CCSER1: variants seen among roughly 807,000 people sequenced by gnomAD.
CCSER1 encodes coiled-coil serine rich protein 1, also known as serine-rich coiled-coil domain-containing protein 1.
CCSER1 carries 41 observed loss-of-function variants against 82.0 expected under a neutral mutation model. The ratio of observed to expected loss-of-function variants is 0.50; its 90% confidence interval spans 0.39 to 0.65. CCSER1 has a LOEUF of 0.65. Among genes scored for constraint, CCSER1 ranks in the 30% least tolerant of loss-of-function variants. The pLI, the probability that CCSER1 is intolerant of heterozygous loss-of-function variation, is 0.00. For missense variants in CCSER1, 1,119 were observed against 1,064.2 expected (o/e 1.05, Z -0.72); for synonymous variants, 414 against 383.9 (o/e 1.08, Z -0.92).
intron 1 of CCSER1, among the ~76,000 whole-genome samples, chr4:90,139,134 GC>G (rs1409333407): frequency 3.3e-5 from 5 of 152,052 alleles, no homozygotes; most frequent in African/African-American, 1.2e-4. Flanking sequence ...TCTCCAACCT[GC>G]CTCCTCACAT....
intron 1 of CCSER1, among the ~76,000 whole-genome samples, chr4:90,173,546 C>T (rs1160611072): frequency 6.6e-6 from 1 of 151,768 alleles, no homozygotes; most frequent in Non-Finnish European, 1.5e-5. Context: ...GAGCCTGGGT[C>T]AGTGATCTTG....
chr4:91,064,904 A>T (rs1720643271), intron 9 of CCSER1, among the ~76,000 whole-genome samples: 1 of 152,222 alleles, frequency 6.6e-6, no homozygotes, highest in Admixed American at 6.5e-5. Context: ...AGCACCAAGT[A>T]TCTTCTGTTA....
At chr4:90,232,396 G>C (rs1400266048) in intron 1 of CCSER1, among the ~76,000 whole-genome samples, 3 of 152,076 alleles carry the variant, frequency 2.0e-5, no homozygotes, top group African/African-American at 7.2e-5. Context: ...TTAATAAATG[G>C]TGCTAGGAAA....
intron 10 of CCSER1, among the ~76,000 whole-genome samples, chr4:91,120,354 A>G (rs537260283): frequency 1.3e-5 from 2 of 152,172 alleles, no homozygotes; most frequent in South Asian, 4.1e-4. Context: ...GTGGTCTTAT[A>G]TCAGCATCAT....
At chr4:90,151,547 T>C (rs879269848) in intron 1 of CCSER1, among the ~76,000 whole-genome samples, 5 of 152,066 alleles carry the variant, frequency 3.3e-5, no homozygotes, top group Non-Finnish European at 7.4e-5. Flanking sequence ...ATATACACCC[T>C]TTTTCTTAAT....
chr4:91,146,192 T>A (rs1280212263), intron 10 of CCSER1, among the ~76,000 whole-genome samples: 1 of 152,210 alleles, frequency 6.6e-6, no homozygotes, highest in African/African-American at 2.4e-5. Context: ...CTTAAATTCT[T>A]TCCTCAGCTT....
At chr4:91,165,537 T>TG (rs930219424) in intron 10 of CCSER1, among the ~76,000 whole-genome samples, 5 of 152,156 alleles carry the variant, frequency 3.3e-5, no homozygotes, top group African/African-American at 1.2e-4. Context: ...CTCCCAGTGG[T>TG]GGGGTCTACA....
intron 10 of CCSER1, among the ~76,000 whole-genome samples, chr4:91,503,915 A>G (rs1759351991): frequency 6.6e-6 from 1 of 152,218 alleles, no homozygotes; most frequent in African/African-American, 2.4e-5. Context: ...TTGGCGGGGT[A>G]TAATGGAGTT....
chr4:91,229,841 A>C (rs1342573764), intron 10 of CCSER1, among the ~76,000 whole-genome samples: 2 of 151,994 alleles, frequency 1.3e-5, no homozygotes, highest in Non-Finnish European at 2.9e-5. Context: ...TCGGGGGTTG[A>C]GGGGAAAAGG....
chr4:90,364,254 T>C (rs1436658762), intron 3 of CCSER1, among the ~76,000 whole-genome samples: 4 of 152,002 alleles, frequency 2.6e-5, no homozygotes, highest in African/African-American at 9.7e-5. Flanking sequence ...AAATTGTCTG[T>C]CTCTCTCCCC....
At chr4:90,300,182 C>A (rs1732826373) in intron 1 of CCSER1, among the ~76,000 whole-genome samples, 1 of 152,060 alleles carries the variant, frequency 6.6e-6, no homozygotes, top group Non-Finnish European at 1.5e-5. Context: ...AATTTAGGGA[C>A]TTTGATTACA....
At chr4:90,399,197 C>T (rs1752451364) in intron 3 of CCSER1, among the ~76,000 whole-genome samples, 1 of 151,980 alleles carries the variant, frequency 6.6e-6, no homozygotes, top group Non-Finnish European at 1.5e-5. Flanking sequence ...GGACTTTATT[C>T]CTTCTTCAGC....
At chr4:91,401,768 A>C (rs2149360334) in intron 10 of CCSER1, among the ~76,000 whole-genome samples, 1 of 152,274 alleles carries the variant, frequency 6.6e-6, no homozygotes, top group South Asian at 2.1e-4. Context: ...CATGGTGTAT[A>C]TGTGCCACAT....
chr4:90,989,118 AG>A (rs1736817482), intron 9 of CCSER1, among the ~76,000 whole-genome samples: 2 of 151,960 alleles, frequency 1.3e-5, no homozygotes, highest in South Asian at 4.1e-4. Context: ...ATTTTGAGGC[AG>A]ATCCTGAAAT....
chr4:90,128,029 G>C (rs1276580654), intron 1 of CCSER1, among the ~76,000 whole-genome samples, 198 bp downstream of exon 1: 1 of 151,930 alleles, frequency 6.6e-6, no homozygotes, highest in African/African-American at 2.4e-5. Context: ...TGGGAAGGAG[G>C]CGGGCGGGCT....
intron 1 of CCSER1, among the ~76,000 whole-genome samples, chr4:90,161,496 A>G (rs1368154955): frequency 4.6e-5 from 7 of 152,146 alleles, no homozygotes; most frequent in Non-Finnish European, 7.4e-5. Context: ...TATGATAATC[A>G]CTTTAAAACT....
chr4:90,723,915 G>C lies in CCSER1; in HGVS notation c.1934G>C (p.Ser645Thr), dbSNP rs200214194. The change falls in exon 7 of 11, where the codon AGT becomes ACT. Residue 645 changes from serine (S) to threonine (T), a missense_variant and splice_region_variant. Ser to Thr is a moderately conservative substitution (Grantham distance 58). Coordinates refer to ENST00000509176, the MANE Select transcript of CCSER1 (RefSeq NM_001145065.2). ...AATTCAATTTCACTGTCCTTGCAGA[G>C]TGCAGACATGAGTCCAGCAAGCAGT... ...LLKMKRVLQESADMSPASSTT... is the reference protein window; with the variant it reads ...LLKMKRVLQETADMSPASSTT... The C allele has an allele frequency of 3.9e-6, 6 of 1,557,682 alleles. No individual in the cohort carries two copies. Among genetic ancestry groups the C allele is most frequent in the Non-Finnish European group, 5.2e-6 (6 of 1,145,798 alleles).
At chr4:90,541,290 ACT>A (rs1776067361) in intron 5 of CCSER1, among the ~76,000 whole-genome samples, 2 of 151,872 alleles carry the variant, frequency 1.3e-5, no homozygotes. Flanking sequence ...GAGAATGAAT[ACT>A]CTCTCTACCA....
intron 10 of CCSER1, among the ~76,000 whole-genome samples, chr4:91,464,775 T>G (rs1756765506): frequency 6.6e-6 from 1 of 151,984 alleles, no homozygotes; most frequent in Non-Finnish European, 1.5e-5. Context: ...TACATAATGG[T>G]AAAGGGATCA....
Sources: gnomAD v4.1 joint callset for allele counts (sites outside exome capture counted in the v4.1 genomes callset) on GRCh38, gnomAD v4.1.1 for gene constraint, MANE v1.5 for transcripts, NCBI Gene and HGNC (gene_info 2026-07-23, HGNC 2026-07-21) for gene names.